COL4A3: variants seen among roughly 807,000 people sequenced by gnomAD.
COL4A3 encodes collagen alpha-3(IV) chain.
COL4A3 carries 135 observed loss-of-function variants against 217.4 expected under a neutral mutation model. The ratio of observed to expected loss-of-function variants is 0.62; its 90% CI spans 0.54 to 0.72. The LOEUF (loss-of-function observed/expected upper bound fraction) is 0.72. COL4A3 is among the 30% of genes least tolerant of loss of function. The pLI, the probability that COL4A3 is intolerant of heterozygous loss-of-function variation, is 0.00. For synonymous variants in COL4A3, 690 were observed against 736.3 expected, an observed-to-expected ratio of 0.94 and a Z score of 1.02; for missense variants, 1,868 against 2,119.9, an observed-to-expected ratio of 0.88 and a Z score of 2.33.
chr2:227,305,939 C>T (rs1396459040), intron 47 of COL4A3, among the ~76,000 whole-genome samples: 4 of 152,076 alleles, frequency 2.6e-5, no homozygotes. Flanking sequence ...ATGCTCAGAT[C>T]TACTATATTA....
intron 4 of COL4A3, 76 bp from the exon 5 acceptor site, chr2:227,244,875 T>C: frequency 1.4e-6 from 2 of 1,435,204 alleles, no homozygotes; most frequent in Non-Finnish European, 2.0e-6. Context: ...CAATGGTAAA[T>C]AAATTTATGT....
intron 1 of COL4A3, among the ~76,000 whole-genome samples, chr2:227,166,720 C>T (rs1180724892): frequency 1.3e-5 from 2 of 152,128 alleles, no homozygotes; most frequent in African/African-American, 4.8e-5. Context: ...TTCCAGTGTA[C>T]CTGCTGGGTT....
chr2:227,309,231 C>T lies in COL4A3; in HGVS notation c.4668C>T (p.Ile1556=), dbSNP rs537964396. ...GCACTGTTTGTGAAGGTCCTGCGAT[C>T]GCCATAGCCGTTCACAGCCAAACCA... ...SRCTVCEGPA[I]AIAVHSQTTD... Residue 1556 remains isoleucine, a synonymous_variant, in exon 50 of 52, where the codon ATC becomes ATT. Transcript: ENST00000396578. 1.2e-5 allele frequency: 19 copies of T among 1,614,208 alleles called. No homozygotes were observed. The highest frequency in any genetic ancestry group is 4.4e-5 in the South Asian group (4 of 91,088).
At chr2:227,290,146 T>C in intron 36 of COL4A3, 58 bp downstream of exon 36, 2 of 1,507,986 alleles carry the variant, frequency 1.3e-6, no homozygotes, top group East Asian at 2.3e-5. Flanking sequence ...GGACTCCAGA[T>C]TTTCTGTGTT....
chr2:227,307,113 G>T (rs916326156), intron 47 of COL4A3, among the ~76,000 whole-genome samples: 1 of 151,670 alleles, frequency 6.6e-6, no homozygotes, highest in South Asian at 2.1e-4. Flanking sequence ...GTACAGAAAC[G>T]ATTTACTTTG....
intron 22 of COL4A3, among the ~76,000 whole-genome samples, 167 bp from the exon 23 acceptor site, chr2:227,266,826 A>G (rs2070923392): frequency 6.6e-6 from 1 of 152,266 alleles, no homozygotes; most frequent in Non-Finnish European, 1.5e-5. Flanking sequence ...TAAAGTAAGC[A>G]GATCTATAAT....
intron 1 of COL4A3, among the ~76,000 whole-genome samples, chr2:227,228,154 T>C (rs2068200951): frequency 6.6e-6 from 1 of 152,146 alleles, no homozygotes; most frequent in Admixed American, 6.5e-5. Context: ...AGTTGAGGGA[T>C]AGGAAGTGGC....
intron 1 of COL4A3, among the ~76,000 whole-genome samples, chr2:227,230,674 T>C (rs1386945738): frequency 6.6e-6 from 1 of 152,232 alleles, no homozygotes; most frequent in Non-Finnish European, 1.5e-5. Flanking sequence ...ATCTTTTAAA[T>C]TAAATAATTC....
chr2:227,294,663 A>C (rs2072942660), intron 39 of COL4A3, 93 bp downstream of exon 39: 5 of 955,990 alleles, frequency 5.2e-6, no homozygotes, highest in Admixed American at 1.8e-5. Flanking sequence ...ACTCTATAGA[A>C]GGTAGCTCCT....
At chr2:227,225,147 C>A (rs1357931659) in intron 1 of COL4A3, among the ~76,000 whole-genome samples, 2 of 152,328 alleles carry the variant, frequency 1.3e-5, no homozygotes, top group Admixed American at 1.3e-4. Flanking sequence ...CTCAAGTAAT[C>A]CTCCCACCTT....
intron 1 of COL4A3, among the ~76,000 whole-genome samples, chr2:227,203,695 G>C (rs1406696922): frequency 1.3e-4 from 4 of 29,734 alleles, no homozygotes; most frequent in Non-Finnish European, 2.2e-4. Flanking sequence ...ACATATATGT[G>C]TGTATATATG....
chr2:227,302,298 T>C (rs4619602), intron 43 of COL4A3, among the ~76,000 whole-genome samples: 42,822 of 152,182 alleles, frequency 0.28, 6,956 homozygotes, highest in South Asian at 0.46. Context: ...TTTATGGCTC[T>C]GCTAGCTTAG....
Position 227,260,770 on chromosome 2 carries a change from G to A in COL4A3, c.1115-312G>A, listed in dbSNP as rs146593609. ...ACAAACTGCTATCCTGGATGTTCCAGCACTGTTTGATTTTCTGGTGTCTAC... is the reference window on the plus strand; with the variant it reads ...ACAAACTGCTATCCTGGATGTTCCAACACTGTTTGATTTTCTGGTGTCTAC... On this transcript the variant is annotated intron_variant, in intron 19 of 51. Transcript: ENST00000396578. 9.2e-5 allele frequency among the ~76,000 whole-genome samples: 14 copies of A among 152,220 alleles called. No homozygotes were observed. The East Asian group carries it at 2.7e-3, about 29-fold the overall frequency.
At chr2:227,290,318 C>T (rs1424147624) in intron 36 of COL4A3, among the ~76,000 whole-genome samples, 5 of 151,970 alleles carry the variant, frequency 3.3e-5, no homozygotes, top group Admixed American at 6.6e-5. Context: ...GCCAACATGG[C>T]GAAACCCCAT....
Position 227,199,683 on chromosome 2 carries a change from T to A in COL4A3, c.87+34870T>A, listed in dbSNP as rs1281817024. Among the ~76,000 whole-genome samples, 3 of 152,210 alleles carry A rather than the reference T, an allele frequency of 2.0e-5. No individual in the cohort carries two copies. The East Asian group carries it at 5.8e-4, about 29-fold the overall frequency. ...CACCTAAGATCTTAAATATTGAGAT[T>A]CTTGGGCCCAGCCCAGACTAAACAT... On this transcript the variant is annotated intron_variant, in intron 1 of 51. Transcript: ENST00000396578.
intron 1 of COL4A3, among the ~76,000 whole-genome samples, chr2:227,176,083 T>C (rs1389032510): frequency 2.0e-5 from 3 of 151,364 alleles, no homozygotes; most frequent in African/African-American, 4.9e-5. Flanking sequence ...GTTAAGGATC[T>C]GGAAGAAGTG....
intron 1 of COL4A3, among the ~76,000 whole-genome samples, chr2:227,181,678 A>G (rs1474369288): frequency 2.0e-5 from 3 of 152,166 alleles, no homozygotes; most frequent in Non-Finnish European, 4.4e-5. Flanking sequence ...TTGACATTAT[A>G]TTGTATTTTC....
rs1223507970 is a variant in COL4A3, at chr2:227,164,821, G to A, written c.87+8G>A. ...GCGCCCGCAGCCAGCAAGGTGAGTG[G>A]GGGCTGCGCGACCCCCACCCCCGCA... is the stretch of plus-strand genomic sequence containing the variant. On this transcript the variant is annotated splice_region_variant and intron_variant, in intron 1 of 51. Coordinates refer to ENST00000396578, the MANE Select transcript of COL4A3 (RefSeq NM_000091.5). This position sits in a 1 kb window ranked among gnomAD's most constrained non-coding sequence, Gnocchi z 4.8. The A allele has an allele frequency of 6.6e-7, 1 of 1,508,244 alleles. No homozygotes were observed. Among genetic ancestry groups the A allele is most frequent in the Admixed American group, 2.0e-5 (1 of 48,872 alleles). 93.4% of individuals were successfully genotyped at this position (1,508,244 alleles called of 1,614,324 possible). A position where few individuals can be genotyped will look rare whatever the true frequency, so the allele number is the denominator to read the frequency against.
chr2:227,184,491 T>C (rs1033478849), intron 1 of COL4A3, among the ~76,000 whole-genome samples: 1 of 152,214 alleles, frequency 6.6e-6, no homozygotes. Context: ...TGCTCATTGA[T>C]GCCCCTCAAA....
Sources: allele counts gnomAD v4.1 joint callset (sites outside exome capture counted in the v4.1 genomes callset), GRCh38; gene constraint gnomAD v4.1.1; non-coding constraint Gnocchi (gnomAD v3.1); transcripts MANE v1.5; gene names NCBI Gene and HGNC (gene_info 2026-07-23, HGNC 2026-07-21).